RELL1: variants seen among roughly 807,000 people sequenced by gnomAD.
RELL1 encodes the protein RELT-like protein 1.
RELL1 carries 10 observed loss-of-function variants against 23.0 expected under a neutral mutation model. That is an observed-to-expected ratio of 0.43 (90% CI 0.27 to 0.74). The LOEUF (loss-of-function observed/expected upper bound fraction) is 0.74, where lower values mean the gene tolerates loss of function less well. Ranked by LOEUF, RELL1 falls within the 30% of genes least tolerant of loss-of-function variation. The probability of loss-of-function intolerance (pLI) is 0.19; values close to 1 mark genes in which losing one functional copy is unlikely to be tolerated. For synonymous variants in RELL1, 146 were observed against 146.8 expected, an observed-to-expected ratio of 0.99 and a Z score of 0.04; for missense variants, 315 against 364.4, an observed-to-expected ratio of 0.86 and a Z score of 1.10.
At chr4:37,631,202 C>T (rs1720117285) in intron 6 of RELL1, among the ~76,000 whole-genome samples, 183 bp downstream of exon 6, 1 of 152,146 alleles carries the variant, frequency 6.6e-6, no homozygotes, top group African/African-American at 2.4e-5. Context: ...GACTTCTTTA[C>T]AAGAAGCTCT....
intron 1 of RELL1, among the ~76,000 whole-genome samples, chr4:37,680,806 C>T (rs1228692101): frequency 6.6e-6 from 1 of 151,986 alleles, no homozygotes; most frequent in South Asian, 2.1e-4. Context: ...GTGGTGGGCG[C>T]CTGTAGTCCC....
chr4:37,656,004 C>T (rs368831550), intron 1 of RELL1, among the ~76,000 whole-genome samples: 89 of 152,264 alleles, frequency 5.8e-4, no homozygotes, highest in Middle Eastern at 3.4e-3. Context: ...CTTCTGGGTA[C>T]ATATCCAAAA....
chr4:37,676,154 T>C (rs956769337), intron 1 of RELL1, among the ~76,000 whole-genome samples: 1 of 152,130 alleles, frequency 6.6e-6, no homozygotes, highest in Admixed American at 6.5e-5. Context: ...AGGTTAGGTA[T>C]TTTGGCCCTG....
At chr4:37,682,171 G>A (rs950750219) in intron 1 of RELL1, among the ~76,000 whole-genome samples, 1 of 152,094 alleles carries the variant, frequency 6.6e-6, no homozygotes, top group African/African-American at 2.4e-5. Context: ...TTAGACTACC[G>A]CCTGCACACA....
At chr4:37,636,511 T>C (rs1216256810) in intron 4 of RELL1, among the ~76,000 whole-genome samples, 2 of 149,126 alleles carry the variant, frequency 1.3e-5, no homozygotes, top group African/African-American at 5.0e-5. Flanking sequence ...AGGAGAATGG[T>C]GTGAACCCGG....
At chr4:37,621,765 G>A (rs570187551) in intron 6 of RELL1, among the ~76,000 whole-genome samples, 2 of 152,302 alleles carry the variant, frequency 1.3e-5, no homozygotes, top group South Asian at 4.1e-4. Flanking sequence ...CCCTGGGGCA[G>A]GCCCCTGCCC....
At chr4:37,644,161 A>C (rs1720616554) in intron 3 of RELL1, among the ~76,000 whole-genome samples, 1 of 152,202 alleles carries the variant, frequency 6.6e-6, no homozygotes, top group Non-Finnish European at 1.5e-5. Flanking sequence ...ACTTTCCAAA[A>C]GGAAAACAAC....
At position 37,653,354 on chromosome 4, in the gene RELL1, GTATTGAAACCTCAATATTCAA is replaced by G. The variant is rs1257438810; in HGVS notation, c.89-3875_89-3855del. ...TACAAGTATTGAAACCTCAATACAA[GTATTGAAACCTCAATATTCAA>G]TACAAGTATTGAAACCTCAATATTC... On this transcript the variant is annotated intron_variant, in intron 1 of 6. Transcript: ENST00000454158. Among the ~76,000 whole-genome samples the G allele has an allele frequency of 8.1e-4, 42 of 51,696 alleles. No homozygotes were observed. In the South Asian group the frequency reaches 0.028, roughly 34 times the overall value. 33.9% of individuals were successfully genotyped at this position (51,696 alleles called of 152,430 possible).
chr4:37,590,371 A>T, downstream of RELL1: 2 of 1,613,804 alleles, frequency 1.2e-6, no homozygotes, highest in Non-Finnish European at 1.7e-6. Context: ...CCCTGCTGCC[A>T]CTCCACAGCC....
At chr4:37,597,600 G>A (rs1053533890) in intron 6 of RELL1, among the ~76,000 whole-genome samples, 2 of 152,204 alleles carry the variant, frequency 1.3e-5, no homozygotes, top group South Asian at 2.1e-4. Flanking sequence ...ATCAGCCGAC[G>A]TGCTGCTCTC....
At chr4:37,625,985 GA>G (rs1719923492) in intron 6 of RELL1, among the ~76,000 whole-genome samples, 1 of 151,162 alleles carries the variant, frequency 6.6e-6, no homozygotes, top group Non-Finnish European at 1.5e-5. Context: ...ACAAATATAT[GA>G]AAAAAAGGCT....
chr4:37,633,839 G>A (rs985935849), intron 5 of RELL1, among the ~76,000 whole-genome samples: 22 of 152,342 alleles, frequency 1.4e-4, no homozygotes, highest in African/African-American at 4.3e-4. Context: ...ACTGAGGCAT[G>A]GAGCAACGTA....
At chr4:37,654,885 G>T (rs1721070865) in intron 1 of RELL1, among the ~76,000 whole-genome samples, 1 of 151,944 alleles carries the variant, frequency 6.6e-6, no homozygotes, top group African/African-American at 2.4e-5. Context: ...AAAAACGCAT[G>T]AAGGTATAAA....
chr4:37,634,105 C>T (rs984456239), intron 5 of RELL1, among the ~76,000 whole-genome samples: 2 of 152,244 alleles, frequency 1.3e-5, no homozygotes, highest in Non-Finnish European at 2.9e-5. Flanking sequence ...ACTGCAAAAG[C>T]ATCCCACTGC....
intron 1 of RELL1, among the ~76,000 whole-genome samples, chr4:37,660,047 A>G (rs1279694585): frequency 6.6e-6 from 1 of 152,154 alleles, no homozygotes; most frequent in African/African-American, 2.4e-5. Context: ...TAGCTGGAAA[A>G]TAGTTTTTAA....
At chr4:37,685,386 G>A (rs866293877) in intron 1 of RELL1, among the ~76,000 whole-genome samples, 1 of 152,084 alleles carries the variant, frequency 6.6e-6, no homozygotes, top group Admixed American at 6.6e-5. Flanking sequence ...GAGGGGAAGC[G>A]GTGGTAAGGA....
chr4:37,621,471 TAATAA>T (rs1328295451), intron 6 of RELL1, among the ~76,000 whole-genome samples: 3 of 151,546 alleles, frequency 2.0e-5, no homozygotes, highest in Admixed American at 2.0e-4. Context: ...ATAATAATAA[TAATAA>T]AATAAGGAAA....
intron 1 of RELL1, among the ~76,000 whole-genome samples, chr4:37,665,885 C>T (rs904492203): frequency 6.6e-6 from 1 of 152,144 alleles, no homozygotes; most frequent in Non-Finnish European, 1.5e-5. Flanking sequence ...GTCATTTCTA[C>T]CCTGCAGAAT....
At chr4:37,652,415 T>G (rs908232714) in intron 1 of RELL1, among the ~76,000 whole-genome samples, 1 of 152,190 alleles carries the variant, frequency 6.6e-6, no homozygotes, top group African/African-American at 2.4e-5. Context: ...TCATGCCTTA[T>G]TTTCAGGAAA....
Sources: allele counts gnomAD v4.1 joint callset (sites outside exome capture counted in the v4.1 genomes callset), GRCh38; gene constraint gnomAD v4.1.1; transcripts MANE v1.5; gene names NCBI Gene and HGNC (gene_info 2026-07-23, HGNC 2026-07-21).